SLC24A4: variants seen among roughly 807,000 people sequenced by gnomAD.
SLC24A4 encodes sodium/potassium/calcium exchanger 4.
A neutral mutation model predicts 79.0 loss-of-function variants in SLC24A4; 53 were observed. The ratio of observed to expected loss-of-function variants is 0.67; its 90% confidence interval spans 0.54 to 0.84. The LOEUF (loss-of-function observed/expected upper bound fraction) is 0.84. SLC24A4 is among the 40% of genes least tolerant of loss of function. SLC24A4 has a pLI of 0.00. For missense variants in SLC24A4, 731 were observed against 822.0 expected (o/e 0.89, Z 1.35); for synonymous variants, 323 against 323.8 (o/e 1.00, Z 0.03).
intron 2 of SLC24A4, among the ~76,000 whole-genome samples, chr14:92,432,476 C>T (rs1891929388): frequency 6.6e-6 from 1 of 152,168 alleles, no homozygotes; most frequent in Admixed American, 6.5e-5. Flanking sequence ...GTCTATTGAT[C>T]TGCACTGAAA....
intron 12 of SLC24A4, among the ~76,000 whole-genome samples, chr14:92,474,843 G>GTGTATATATA (rs779007741): frequency 1.3e-4 from 3 of 23,886 alleles, no homozygotes; most frequent in South Asian, 1.5e-3. Flanking sequence ...GTGTGTGTGT[G>GTGTATATATA]TATATATATA....
In SLC24A4 at chr14:92,454,018, G is replaced by C; in HGVS notation, c.999G>C (p.Lys333Asn). The C allele has an allele frequency of 8.1e-6, 13 of 1,613,742 alleles. No homozygotes were observed. Among genetic ancestry groups the C allele is most frequent in the Non-Finnish European group, 1.1e-5 (13 of 1,179,820 alleles). ...EAGLRIMITN[K>N]FGPRTRLRMA... is the part of the protein sequence containing the mutation. ...GCTTACGAATCATGATCACCAATAAGTTTGGACCCAGGACCCGACTACGGA... is the reference window on the plus strand; with the variant it reads ...GCTTACGAATCATGATCACCAATAACTTTGGACCCAGGACCCGACTACGGA... Residue 333 changes from lysine (K) to asparagine (N), a missense_variant, in exon 11 of 17, where the codon AAG (lysine) becomes AAC (asparagine). Transcript: ENST00000532405.
Position 92,441,053 on chromosome 14 carries a change from A to G in SLC24A4, c.394-1036A>G, listed in dbSNP as rs28417703. ...TGGCCGGCTTCTGCCCTGGAGATCG[A>G]TGCTGTGCCCCCACCCCAGACTCCG... On this transcript the variant is annotated intron_variant, in intron 4 of 16. Transcript: ENST00000532405. The surrounding 1 kb of genome is among the most constrained non-coding windows in gnomAD (Gnocchi z 4.6). 0.022 allele frequency among the ~76,000 whole-genome samples: 3,363 copies of G among 152,046 alleles called. 111 individuals carry two copies. The highest frequency in any genetic ancestry group is 0.07 in the African/African-American group (2,913 of 41,426).
At chr14:92,364,072 T>C (rs1887687340) in intron 2 of SLC24A4, among the ~76,000 whole-genome samples, 1 of 152,170 alleles carries the variant, frequency 6.6e-6, no homozygotes, top group African/African-American at 2.4e-5. Context: ...ACATGGCAGC[T>C]CCCCACCAGA....
chr14:92,448,328 A>AT (rs138961983), intron 9 of SLC24A4, among the ~76,000 whole-genome samples: 2,319 of 141,414 alleles, frequency 0.016, 64 homozygotes, highest in African/African-American at 0.058. Context: ...TATGACATAT[A>AT]TTTTTTTCCC....
At chr14:92,334,445 G>T (rs1885659880) in intron 2 of SLC24A4, among the ~76,000 whole-genome samples, 1 of 152,218 alleles carries the variant, frequency 6.6e-6, no homozygotes, top group African/African-American at 2.4e-5. Context: ...GGTGGAGTGG[G>T]ATGGTTATAG....
At chr14:92,445,230 G>A (rs1892732071) in intron 7 of SLC24A4, 87 bp from the exon 8 acceptor site, 1 of 1,464,258 alleles carries the variant, frequency 6.8e-7, no homozygotes, top group Non-Finnish European at 9.6e-7. Flanking sequence ...GTATAAATTG[G>A]CTCTGGGTGC....
intron 2 of SLC24A4, among the ~76,000 whole-genome samples, chr14:92,399,518 G>A (rs886179272): frequency 2.6e-5 from 4 of 152,184 alleles, no homozygotes; most frequent in African/African-American, 9.7e-5. Flanking sequence ...GGAGAAATCC[G>A]TATTTCCTGG....
chr14:92,357,705 T>C (rs1298949902), intron 2 of SLC24A4, among the ~76,000 whole-genome samples: 1 of 152,194 alleles, frequency 6.6e-6, no homozygotes, highest in Admixed American at 6.5e-5. Context: ...GGGGGAGTTA[T>C]CGTTTAATGG....
chr14:92,345,976 G>A (rs1471983357), intron 2 of SLC24A4, among the ~76,000 whole-genome samples: 2 of 152,166 alleles, frequency 1.3e-5, no homozygotes. Context: ...ACTGGGATGG[G>A]CTTGGGGACC....
chr14:92,359,680 A>G (rs1363664593), intron 2 of SLC24A4, among the ~76,000 whole-genome samples: 1 of 152,210 alleles, frequency 6.6e-6, no homozygotes, highest in Admixed American at 6.5e-5. Flanking sequence ...AGTAATTATA[A>G]AGTAAAAACT....
At chr14:92,475,978 C>T (rs867386402) in intron 12 of SLC24A4, among the ~76,000 whole-genome samples, 2 of 152,072 alleles carry the variant, frequency 1.3e-5, no homozygotes, top group Non-Finnish European at 2.9e-5. Context: ...AATGGTGGGC[C>T]GTGACACTGG....
intron 2 of SLC24A4, among the ~76,000 whole-genome samples, chr14:92,336,195 C>T (rs993228242): frequency 1.3e-5 from 2 of 151,892 alleles, no homozygotes; most frequent in Non-Finnish European, 2.9e-5. Context: ...AATTATAAAG[C>T]ATTGCCATTT....
chr14:92,460,511 C>T (rs1182597992), intron 12 of SLC24A4, among the ~76,000 whole-genome samples: 1 of 152,140 alleles, frequency 6.6e-6, no homozygotes, highest in East Asian at 1.9e-4. Flanking sequence ...TCTGTCATTC[C>T]AGGGCTCAAG....
chr14:92,482,628 C>T (rs1895121314), intron 12 of SLC24A4, 52 bp from the exon 13 acceptor site: 3 of 1,522,246 alleles, frequency 2.0e-6, no homozygotes, highest in Non-Finnish European at 2.7e-6. Flanking sequence ...AGGTGTGTTA[C>T]CCAGTGTCTT....
At chr14:92,324,544 A>G (rs1328640017) in intron 1 of SLC24A4, among the ~76,000 whole-genome samples, 1 of 152,172 alleles carries the variant, frequency 6.6e-6, no homozygotes, top group Non-Finnish European at 1.5e-5. Flanking sequence ...GCCTCGACCC[A>G]TGCCCCCTCC....
At chr14:92,403,853 T>C (rs780440505) in intron 2 of SLC24A4, among the ~76,000 whole-genome samples, 1 of 119,958 alleles carries the variant, frequency 8.3e-6, no homozygotes, top group African/African-American at 3.3e-5. Context: ...CTGGCACATA[T>C]GCTGTTTTCC....
intron 2 of SLC24A4, among the ~76,000 whole-genome samples, chr14:92,366,294 C>T (rs1388414446): frequency 6.6e-6 from 1 of 152,170 alleles, no homozygotes; most frequent in East Asian, 1.9e-4. Flanking sequence ...TGTACCAAGA[C>T]CCCTCTGGTG....
At chr14:92,464,800 A>G (rs1326114034) in intron 12 of SLC24A4, among the ~76,000 whole-genome samples, 1 of 152,226 alleles carries the variant, frequency 6.6e-6, no homozygotes, top group African/African-American at 2.4e-5. Flanking sequence ...CGGGCGTTGT[A>G]GTGAAGCTGA....
Sources: gnomAD v4.1 joint callset for allele counts (sites outside exome capture counted in the v4.1 genomes callset) on GRCh38, gnomAD v4.1.1 for gene constraint, Gnocchi (gnomAD v3.1) non-coding constraint, MANE v1.5 for transcripts, NCBI Gene and HGNC (gene_info 2026-07-23, HGNC 2026-07-21) for gene names.